GPC3: variants seen among roughly 807,000 people sequenced by gnomAD.
GPC3 encodes glypican-3.
A neutral mutation model predicts 34.4 loss-of-function variants in GPC3; 3 were observed. The observed-to-expected ratio is 0.09, with a 90% CI of 0.04 to 0.23. The LOEUF (loss-of-function observed/expected upper bound fraction) is 0.23, where lower values mean the gene tolerates loss of function less well. GPC3 is among the 10% of genes least tolerant of loss of function. GPC3 has a pLI of 1.00. For missense variants in GPC3, 351 were observed against 445.6 expected, an observed-to-expected ratio of 0.79 and a Z score of 1.91; for synonymous variants, 177 against 174.0, an observed-to-expected ratio of 1.02 and a Z score of -0.13.
chrX:133,851,901 C>T (rs1479847816), intron 2 of GPC3, among the ~76,000 whole-genome samples: 2 of 111,943 alleles, frequency 1.8e-5, no homozygotes, highest in Non-Finnish European at 3.8e-5. Flanking sequence ...TTAGGGAGAA[C>T]TTCTTGACCA....
intron 1 of GPC3, among the ~76,000 whole-genome samples, chrX:133,965,317 G>A (rs2076458805): frequency 9.0e-6 from 1 of 111,220 alleles, no homozygotes; most frequent in South Asian, 3.9e-4. Flanking sequence ...GTAGTGGGGA[G>A]GGAGGCAACC....
At chrX:133,822,552 C>A (rs1430195622) in intron 2 of GPC3, among the ~76,000 whole-genome samples, 3 of 110,970 alleles carry the variant, frequency 2.7e-5, no homozygotes, top group Non-Finnish European at 3.8e-5. Context: ...CTGTGCCCTG[C>A]GTATAAATTA....
chrX:133,546,923 GT>G (rs1396324965), intron 7 of GPC3, among the ~76,000 whole-genome samples: 1 of 112,235 alleles, frequency 8.9e-6, no homozygotes, highest in African/African-American at 3.2e-5. Flanking sequence ...ATTAACCTAA[GT>G]GTGCATCAAT....
intron 2 of GPC3, among the ~76,000 whole-genome samples, chrX:133,794,737 C>T (rs2075569386): frequency 1.8e-5 from 2 of 112,037 alleles, no homozygotes; most frequent in East Asian, 5.6e-4. Flanking sequence ...CTTATGGTAA[C>T]AGGTTGGCTA....
chrX:133,801,323 A>C (rs2075608483), intron 2 of GPC3, among the ~76,000 whole-genome samples: 1 of 111,360 alleles, frequency 9.0e-6, no homozygotes, highest in Non-Finnish European at 1.9e-5. Context: ...ACTTTTGGTC[A>C]GGTTCAGTGG....
chrX:133,553,185 T>C (rs1018136521), intron 7 of GPC3, among the ~76,000 whole-genome samples: 5 of 111,925 alleles, frequency 4.5e-5, no homozygotes, highest in African/African-American at 6.5e-5. Context: ...AACTATAGAA[T>C]ACATCACATG....
intron 2 of GPC3, among the ~76,000 whole-genome samples, chrX:133,920,691 C>A (rs1159210481): frequency 1.8e-5 from 2 of 111,998 alleles, no homozygotes; most frequent in Non-Finnish European, 3.8e-5. Context: ...TTCAAAACGT[C>A]TTCAGACACA....
chrX:133,726,116 TTC>T (rs1229788583), intron 3 of GPC3, among the ~76,000 whole-genome samples: 4 of 112,157 alleles, frequency 3.6e-5, no homozygotes, highest in East Asian at 2.8e-4. Context: ...AATCTCTTCA[TTC>T]TCTGTTTGCT....
At chrX:133,850,977 G>A (rs1033079850) in intron 2 of GPC3, among the ~76,000 whole-genome samples, 3 of 109,959 alleles carry the variant, frequency 2.7e-5, no homozygotes, top group African/African-American at 3.3e-5. Flanking sequence ...GGTGGCGGGC[G>A]CCTATTGTCC....
At chrX:133,880,105 AC>A (rs1184724565) in intron 2 of GPC3, among the ~76,000 whole-genome samples, 1 of 111,828 alleles carries the variant, frequency 8.9e-6, no homozygotes, top group Non-Finnish European at 1.9e-5. Flanking sequence ...AATAAACACA[AC>A]TTTTATGAGC....
intron 2 of GPC3, among the ~76,000 whole-genome samples, chrX:133,831,243 T>C (rs1044519352): frequency 9.8e-5 from 11 of 111,891 alleles, no homozygotes. Flanking sequence ...TTTTAAAGTG[T>C]ATGTAAAATC....
rs190118997 is a variant in GPC3, at chrX:133,612,281, C to T, written c.1414-15682G>A. Among the ~76,000 whole-genome samples, 307 of 112,052 alleles carry T rather than the reference C, an allele frequency of 2.7e-3. 1 individual carries two copies. Among genetic ancestry groups the T allele is most frequent in the African/African-American group, 9.3e-3 (288 of 30,876 alleles). On this transcript the variant is annotated intron_variant, in intron 6 of 7. Transcript: ENST00000370818. Reference sequence around the variant, plus strand: ...CCTTTATTTTTGGCATTAAAACATTCGCTCCTTTATGTAGGTCAAAACTTT... The same window carrying T: ...CCTTTATTTTTGGCATTAAAACATTTGCTCCTTTATGTAGGTCAAAACTTT...
At chrX:133,931,483 G>A (rs768584327) in intron 2 of GPC3, among the ~76,000 whole-genome samples, 4 of 111,274 alleles carry the variant, frequency 3.6e-5, no homozygotes, top group African/African-American at 1.3e-4. Flanking sequence ...CACTGGCTAT[G>A]GGGAAAGAAG....
intron 3 of GPC3, among the ~76,000 whole-genome samples, chrX:133,706,471 C>T (rs1282513683): frequency 9.0e-6 from 1 of 110,910 alleles, no homozygotes; most frequent in African/African-American, 3.3e-5. Context: ...AAGCCTAATA[C>T]CCAGAAGCTA....
intron 2 of GPC3, among the ~76,000 whole-genome samples, chrX:133,848,423 G>C (rs1174843241): frequency 8.9e-6 from 1 of 112,022 alleles, no homozygotes; most frequent in African/African-American, 3.2e-5. Context: ...TAATGGACTG[G>C]AAGATGAACT....
chrX:133,913,549 A>G (rs756593943), intron 2 of GPC3, among the ~76,000 whole-genome samples: 9 of 112,275 alleles, frequency 8.0e-5, no homozygotes, highest in Non-Finnish European at 1.7e-4. Flanking sequence ...TGGTCCAGAC[A>G]TGCAAGAACA....
intron 3 of GPC3, among the ~76,000 whole-genome samples, chrX:133,731,406 C>A (rs2071461396): frequency 8.9e-6 from 1 of 112,821 alleles, no homozygotes; most frequent in African/African-American, 3.2e-5. Context: ...AGTACAAAAG[C>A]AAACTTCTTG....
intron 2 of GPC3, among the ~76,000 whole-genome samples, chrX:133,857,818 T>C (rs986968884): frequency 3.6e-5 from 4 of 112,234 alleles, no homozygotes; most frequent in Non-Finnish European, 7.5e-5. Flanking sequence ...GCAAATAACC[T>C]TTTACTGGCA....
intron 5 of GPC3, among the ~76,000 whole-genome samples, chrX:133,677,670 T>C (rs1197234794): frequency 9.0e-6 from 1 of 111,604 alleles, no homozygotes; most frequent in East Asian, 2.8e-4. Context: ...TAGAGGAGAT[T>C]AAATGGAGAG....
Sources: allele counts gnomAD v4.1 joint callset (sites outside exome capture counted in the v4.1 genomes callset), GRCh38; gene constraint gnomAD v4.1.1; transcripts MANE v1.5; gene names NCBI Gene and HGNC (gene_info 2026-07-23, HGNC 2026-07-21).